PDZRN4: variants seen among roughly 807,000 people sequenced by gnomAD.
The protein encoded by PDZRN4 is PDZ domain containing ring finger 4.
Under a neutral mutation model 99.0 loss-of-function variants are expected in PDZRN4, and 70 were observed. The observed-to-expected ratio is 0.71, with a 90% confidence interval of 0.58 to 0.86. The LOEUF is 0.86. PDZRN4 is among the 40% of genes least tolerant of loss of function. The probability of loss-of-function intolerance (pLI) is 0.00; values close to 1 mark genes in which losing one functional copy is unlikely to be tolerated. For missense variants in PDZRN4, 1,474 were observed against 1,331.2 expected (o/e 1.11, Z -1.67); for synonymous variants, 551 against 501.6 (o/e 1.10, Z -1.32).
intron 3 of PDZRN4, among the ~76,000 whole-genome samples, chr12:41,210,766 G>A (rs1372295208): frequency 1.3e-5 from 2 of 151,838 alleles, no homozygotes; most frequent in Admixed American, 6.6e-5. Flanking sequence ...CATATTTTTT[G>A]TGTATTTCCT....
intron 3 of PDZRN4, among the ~76,000 whole-genome samples, chr12:41,417,478 T>C (rs1952454626): frequency 6.6e-6 from 1 of 152,248 alleles, no homozygotes; most frequent in African/African-American, 2.4e-5. Flanking sequence ...ACATTTCTCA[T>C]TCAGTCATCC....
intron 3 of PDZRN4, among the ~76,000 whole-genome samples, chr12:41,422,879 G>A (rs991166055): frequency 1.3e-5 from 2 of 152,078 alleles, no homozygotes; most frequent in Non-Finnish European, 2.9e-5. Flanking sequence ...ACACACAATG[G>A]AAATTTCTTT....
At chr12:41,315,649 A>C (rs1951633679) in intron 3 of PDZRN4, among the ~76,000 whole-genome samples, 1 of 152,152 alleles carries the variant, frequency 6.6e-6, no homozygotes, top group Admixed American at 6.6e-5. Flanking sequence ...TGAGGAATGA[A>C]TGATCCAGTG....
In PDZRN4 at chr12:41,552,771, AG is replaced by A; in HGVS notation, c.1302+21del. On this transcript the variant is annotated intron_variant, in intron 6 of 9. Transcript: ENST00000402685. ...GTCAGCGAGGTAAGAAACGCCATGG[AG>A]GGGAAATTCGAGGAGGGAGACTAGG... The A allele has an allele frequency of 6.3e-7, 1 of 1,593,852 alleles. No homozygotes were observed. The highest frequency in any genetic ancestry group is 1.3e-5 in the African/African-American group (1 of 74,602).
At chr12:41,300,140 C>T (rs988822125) in intron 3 of PDZRN4, among the ~76,000 whole-genome samples, 11 of 151,762 alleles carry the variant, frequency 7.2e-5, no homozygotes, top group African/African-American at 1.4e-4. Flanking sequence ...CATTCTAAAA[C>T]GGAAAATACT....
chr12:41,422,373 G>A (rs1305567692), intron 3 of PDZRN4, among the ~76,000 whole-genome samples: 3 of 152,152 alleles, frequency 2.0e-5, no homozygotes, highest in South Asian at 2.1e-4. Flanking sequence ...GCTCCCTTCA[G>A]TAAATTTGTG....
chr12:41,468,995 C>A (rs1008237152), intron 3 of PDZRN4, among the ~76,000 whole-genome samples: 1 of 139,274 alleles, frequency 7.2e-6, no homozygotes, highest in Non-Finnish European at 1.5e-5. Flanking sequence ...GGCGACAGAG[C>A]AAGATTCTGT....
intron 3 of PDZRN4, among the ~76,000 whole-genome samples, chr12:41,233,333 G>T (rs1177469009): frequency 6.6e-6 from 1 of 152,154 alleles, no homozygotes; most frequent in Non-Finnish European, 1.5e-5. Context: ...CTTTTACACT[G>T]TTGGTGGGAC....
chr12:41,391,184 G>A (rs1337038663), intron 3 of PDZRN4, among the ~76,000 whole-genome samples: 1 of 152,146 alleles, frequency 6.6e-6, no homozygotes, highest in East Asian at 1.9e-4. Context: ...TGGAAGCAAA[G>A]AGTGCCCCCC....
At chr12:41,423,501 C>A (rs776261814) in intron 3 of PDZRN4, among the ~76,000 whole-genome samples, 9 of 152,088 alleles carry the variant, frequency 5.9e-5, no homozygotes, top group Non-Finnish European at 1.3e-4. Context: ...CTGCATATAT[C>A]TTTAACCTTC....
At chr12:41,356,635 A>G (rs1951929449) in intron 3 of PDZRN4, among the ~76,000 whole-genome samples, 1 of 151,952 alleles carries the variant, frequency 6.6e-6, no homozygotes, top group African/African-American at 2.4e-5. Flanking sequence ...ATGAAAGAGC[A>G]ATGTCTGATA....
chr12:41,189,658 T>C (rs538302153), intron 1 of PDZRN4, among the ~76,000 whole-genome samples: 1 of 152,174 alleles, frequency 6.6e-6, no homozygotes, highest in Non-Finnish European at 1.5e-5. Flanking sequence ...GTGAGGCACG[T>C]TGGGGCCAGG....
intron 3 of PDZRN4, among the ~76,000 whole-genome samples, chr12:41,431,790 G>A (rs1348725175): frequency 1.3e-5 from 2 of 152,196 alleles, no homozygotes; most frequent in African/African-American, 2.4e-5. Flanking sequence ...ACACAGTGAG[G>A]AAAGGATGCT....
At chr12:41,494,045 A>ATT (rs34819405) in intron 3 of PDZRN4, among the ~76,000 whole-genome samples, 50 of 150,670 alleles carry the variant, frequency 3.3e-4, no homozygotes, top group East Asian at 1.8e-3. Context: ...TCACAGAAAC[A>ATT]TTTTTATTTT....
intron 3 of PDZRN4, among the ~76,000 whole-genome samples, chr12:41,256,848 A>C (rs1951207529): frequency 6.6e-6 from 1 of 152,206 alleles, no homozygotes; most frequent in South Asian, 2.1e-4. Context: ...ATCCAATTGA[A>C]TAAGTCATAA....
At chr12:41,227,079 T>C (rs1246187746) in intron 3 of PDZRN4, among the ~76,000 whole-genome samples, 1 of 152,122 alleles carries the variant, frequency 6.6e-6, no homozygotes, top group Non-Finnish European at 1.5e-5. Context: ...TATAGAAAAA[T>C]ACACATATTT....
At chr12:41,534,382 C>A (rs914026082) in intron 5 of PDZRN4, among the ~76,000 whole-genome samples, 4 of 152,076 alleles carry the variant, frequency 2.6e-5, no homozygotes, top group Non-Finnish European at 5.9e-5. Context: ...CACCTATCAA[C>A]CCAATACCTA....
chr12:41,532,085 A>T (rs2120742406), intron 5 of PDZRN4, among the ~76,000 whole-genome samples: 1 of 152,276 alleles, frequency 6.6e-6, no homozygotes, highest in African/African-American at 2.4e-5. Context: ...TTTTTAACCC[A>T]CAGAGATTAT....
At chr12:41,277,497 G>A (rs527408811) in intron 3 of PDZRN4, among the ~76,000 whole-genome samples, 2 of 152,146 alleles carry the variant, frequency 1.3e-5, no homozygotes, top group African/African-American at 4.8e-5. Context: ...CACCAGTGCA[G>A]ATATGATGTC....
Sources: gnomAD v4.1 joint callset for allele counts (sites outside exome capture counted in the v4.1 genomes callset) on GRCh38, gnomAD v4.1.1 for gene constraint, MANE v1.5 for transcripts, NCBI Gene and HGNC (gene_info 2026-07-23, HGNC 2026-07-21) for gene names.